Variants in SND1 observed in about 807,000 individuals in gnomAD.
SND1 encodes the protein staphylococcal nuclease domain-containing protein 1.
In SND1, 38 loss-of-function variants were observed where a neutral mutation model predicts 121.7. The ratio of observed to expected loss-of-function variants is 0.31; its 90% CI spans 0.24 to 0.41. The LOEUF (loss-of-function observed/expected upper bound fraction) is 0.41, where lower values mean the gene tolerates loss of function less well. Ranked by LOEUF, SND1 falls within the 10% of genes least tolerant of loss-of-function variation. The probability of loss-of-function intolerance (pLI) is 1.00; values close to 1 mark genes in which losing one functional copy is unlikely to be tolerated. For synonymous variants in SND1, 401 were observed against 447.4 expected, an observed-to-expected ratio of 0.90 and a Z score of 1.31; for missense variants, 868 against 1,184.6, an observed-to-expected ratio of 0.73 and a Z score of 3.92.
rs574298379 is a variant in SND1, at chr7:128,012,579, C to T, written c.1779+21523C>T. Reference sequence around the variant, plus strand: ...GTCCACATGCCCTCAGCTCTGCATCCGTATGTGTATGAGGCCTCTTTTGTG... The same window carrying T: ...GTCCACATGCCCTCAGCTCTGCATCTGTATGTGTATGAGGCCTCTTTTGTG... On this transcript the variant is annotated intron_variant, in intron 16 of 23. Coordinates refer to ENST00000354725, the MANE Select transcript of SND1 (RefSeq NM_014390.4). 3.3e-5 allele frequency among the ~76,000 whole-genome samples: 5 copies of T among 152,318 alleles called. No individual in the cohort carries two copies. The East Asian group carries it at 5.8e-4, about 18-fold the overall frequency.
At chr7:127,834,641 A>C (rs1422869561) in intron 11 of SND1, among the ~76,000 whole-genome samples, 1 of 152,196 alleles carries the variant, frequency 6.6e-6, no homozygotes, top group African/African-American at 2.4e-5. Flanking sequence ...AGAAAGGCTG[A>C]TATTGATACC....
At chr7:128,032,800 G>C (rs1024311196) in intron 16 of SND1, among the ~76,000 whole-genome samples, 2 of 152,162 alleles carry the variant, frequency 1.3e-5, no homozygotes, top group African/African-American at 4.8e-5. Context: ...CCCCTCCTTC[G>C]CTTTGCCTCA....
intron 10 of SND1, among the ~76,000 whole-genome samples, chr7:127,798,730 A>G (rs1798071990): frequency 6.6e-6 from 1 of 152,166 alleles, no homozygotes; most frequent in Non-Finnish European, 1.5e-5. Context: ...TGTGGCCTGG[A>G]GACCTCCTTG....
At chr7:127,879,939 A>G (rs1371511861) in intron 12 of SND1, among the ~76,000 whole-genome samples, 1 of 152,224 alleles carries the variant, frequency 6.6e-6, no homozygotes, top group Non-Finnish European at 1.5e-5. Context: ...AGGCATCTGC[A>G]TGAGATATAT....
At chr7:127,717,247 A>G (rs1462196294) in intron 9 of SND1, among the ~76,000 whole-genome samples, 1 of 152,180 alleles carries the variant, frequency 6.6e-6, no homozygotes, top group Non-Finnish European at 1.5e-5. Context: ...TAAAGTTTAT[A>G]TTTTATTCAG....
At chr7:127,946,296 G>C (rs1199970167) in intron 15 of SND1, among the ~76,000 whole-genome samples, 1 of 152,214 alleles carries the variant, frequency 6.6e-6, no homozygotes, top group Non-Finnish European at 1.5e-5. Flanking sequence ...ATGGGTTTAT[G>C]AGCTGGGGCA....
chr7:128,063,078 C>T (rs879770127), intron 16 of SND1, among the ~76,000 whole-genome samples: 7 of 152,138 alleles, frequency 4.6e-5, no homozygotes, highest in African/African-American at 7.2e-5. Context: ...GCATCTGTGG[C>T]CTCACCCCAC....
chr7:127,934,254 T>C (rs1801009897), intron 15 of SND1, among the ~76,000 whole-genome samples: 1 of 152,156 alleles, frequency 6.6e-6, no homozygotes, highest in Admixed American at 6.5e-5. Context: ...AATATCTGCA[T>C]GGATCTGGGC....
At chr7:127,879,883 G>C (rs1799757919) in intron 12 of SND1, among the ~76,000 whole-genome samples, 1 of 152,296 alleles carries the variant, frequency 6.6e-6, no homozygotes, top group South Asian at 2.1e-4. Context: ...GGGCCTTGAA[G>C]TTACCATAAA....
intron 16 of SND1, among the ~76,000 whole-genome samples, chr7:128,043,880 AC>A: frequency 6.6e-6 from 1 of 151,914 alleles, no homozygotes; most frequent in East Asian, 1.9e-4. Context: ...ACACACACAC[AC>A]ACACACACGT....
At position 127,766,142 on chromosome 7, in the gene SND1, C is replaced by T. The variant is rs111504003; in HGVS notation, c.1153-41342C>T. On this transcript the variant is annotated intron_variant, in intron 10 of 23. Transcript: ENST00000354725. ...TTCCATCCTTTCTACCATGTGAGGA[C>T]GCCACACTCCTCCCCTTTGGAAGAT... is the stretch of plus-strand genomic sequence containing the variant. 3.0e-4 allele frequency among the ~76,000 whole-genome samples: 45 copies of T among 152,192 alleles called. 1 individual carries two copies. The highest frequency in any genetic ancestry group is 5.1e-4 in the African/African-American group (21 of 41,508).
chr7:127,873,621 C>A (rs1737326702), intron 12 of SND1, among the ~76,000 whole-genome samples: 1 of 152,048 alleles, frequency 6.6e-6, no homozygotes, highest in Non-Finnish European at 1.5e-5. Context: ...GGCTTAGGGA[C>A]CATTTATTTT....
intron 16 of SND1, among the ~76,000 whole-genome samples, chr7:128,017,168 C>A (rs1803243123): frequency 6.6e-6 from 1 of 152,196 alleles, no homozygotes; most frequent in Non-Finnish European, 1.5e-5. Flanking sequence ...CTGCTTTCCT[C>A]ATCCTGCAGT....
intron 9 of SND1, among the ~76,000 whole-genome samples, chr7:127,708,348 T>C (rs1023065478): frequency 1.3e-5 from 2 of 151,740 alleles, no homozygotes; most frequent in African/African-American, 4.8e-5. Context: ...CCTTCCTTCC[T>C]TTCTCCCTCC....
intron 15 of SND1, among the ~76,000 whole-genome samples, chr7:127,985,652 T>C (rs1243304431): frequency 2.0e-5 from 3 of 152,234 alleles, no homozygotes; most frequent in African/African-American, 7.2e-5. Flanking sequence ...AAAATAATCT[T>C]TCCTAGCTGG....
intron 14 of SND1, among the ~76,000 whole-genome samples, chr7:127,924,082 T>C (rs1192314767): frequency 6.6e-6 from 1 of 151,576 alleles, no homozygotes; most frequent in Non-Finnish European, 1.5e-5. Context: ...TGCCCTGGAG[T>C]CCTTTACCCT....
chr7:127,962,673 ACT>A (rs1801760864), intron 15 of SND1, among the ~76,000 whole-genome samples: 1 of 151,994 alleles, frequency 6.6e-6, no homozygotes, highest in Admixed American at 6.6e-5. Context: ...CTCCATCCCC[ACT>A]CTGCAGGCAG....
chr7:127,667,463 T>G (rs1795438436), intron 1 of SND1, among the ~76,000 whole-genome samples: 1 of 152,300 alleles, frequency 6.6e-6, no homozygotes, highest in South Asian at 2.1e-4. Context: ...GGCACAGTGA[T>G]GGCAGTGCTG....
At position 127,897,156 on chromosome 7, in the gene SND1, C is replaced by G. The variant is rs189091636; in HGVS notation, c.1455-7591C>G. Among the ~76,000 whole-genome samples the G allele has an allele frequency of 9.9e-5, 15 of 152,264 alleles. No homozygotes were observed. The East Asian group carries it at 2.9e-3, about 29-fold the overall frequency. On this transcript the variant is annotated intron_variant, in intron 13 of 23. Transcript: ENST00000354725. ...CTTCTGACTCTGCCTCCCGCCAGCA[C>G]CCTCCAACTTTGGGCCCAGAAGTTG...
Sources: gnomAD v4.1 joint callset for allele counts (sites outside exome capture counted in the v4.1 genomes callset) on GRCh38, gnomAD v4.1.1 for gene constraint, MANE v1.5 for transcripts, NCBI Gene and HGNC (gene_info 2026-07-23, HGNC 2026-07-21) for gene names.